The following TRIM45 variants were observed in gnomAD, a reference collection of about 807,000 sequenced individuals.
TRIM45 encodes tripartite motif containing 45, also known as E3 ubiquitin-protein ligase TRIM45.
In TRIM45, 45 loss-of-function variants were observed where a neutral mutation model predicts 46.7. The ratio of observed to expected loss-of-function variants is 0.96; its 90% CI spans 0.76 to 1.24. The LOEUF is 1.24. Ranked by LOEUF, TRIM45 falls within the 50% of genes most tolerant of loss-of-function variation. TRIM45 has a pLI of 0.00. For synonymous variants in TRIM45, 259 were observed against 285.8 expected, an observed-to-expected ratio of 0.91 and a Z score of 0.94; for missense variants, 680 against 728.4, an observed-to-expected ratio of 0.93 and a Z score of 0.77.
Position 117,116,883 on chromosome 1 carries a change from C to G in TRIM45, c.1223-138G>C, listed in dbSNP as rs1226438505. 1 of 1,238,308 alleles carries G rather than the reference C, an allele frequency of 8.1e-7. No individual in the cohort carries two copies. Among genetic ancestry groups the G allele is most frequent in the Non-Finnish European group, 1.1e-6 (1 of 902,836 alleles). The allele number at this position is 1,238,308 out of a possible 1,614,324, so 76.7% of individuals were successfully genotyped here. ...GGTCCCTTTGTTTTCTCTTCCCCTTCTGCCTCCCAGAGTACGCCTCTTGGG... is the reference window on the plus strand; with the variant it reads ...GGTCCCTTTGTTTTCTCTTCCCCTTGTGCCTCCCAGAGTACGCCTCTTGGG... On this transcript the variant is annotated intron_variant, in intron 2 of 5. Coordinates refer to ENST00000256649, the MANE Select transcript of TRIM45 (RefSeq NM_025188.4). The surrounding 1 kb of genome is among the most constrained non-coding windows in gnomAD (Gnocchi z 4.6).
Position 117,118,122 on chromosome 1 carries a change from C to G in TRIM45, c.1134G>C (p.Glu378Asp). 1.2e-6 allele frequency: 2 copies of G among 1,614,242 alleles called. No individual in the cohort carries two copies. The highest frequency in any genetic ancestry group is 1.7e-6 in the Non-Finnish European group (2 of 1,180,052). ...VNDKIRFCPQ[E>D]KAGQCRGYEI... is the part of the protein sequence containing the mutation. ...CATAGCCACGGCACTGGCCTGCTTT[C>G]TCCTGAGGACAGAAGCGTATCTTAT... The change falls in exon 2 of 6, where the codon GAG (glutamate) becomes GAC (aspartate). Residue 378 changes from glutamate (E) to aspartate (D), a missense_variant. Physicochemically the swap from Glu to Asp is conservative, Grantham distance 45 (BLOSUM62 2). Around this residue, in one of 3 missense-constraint regions of TRIM45, gnomAD observed 322 missense variants for 359.3 expected, o/e 0.90. Coordinates refer to ENST00000256649, the MANE Select transcript of TRIM45 (RefSeq NM_025188.4). This position sits in a 1 kb window ranked among gnomAD's most constrained non-coding sequence, Gnocchi z 5.7.
At chr1:117,123,892 A>G (rs962221393), upstream of TRIM45, among the ~76,000 whole-genome samples, 3 of 151,970 alleles carry the variant, frequency 2.0e-5, no homozygotes, top group Admixed American at 2.0e-4. Context: ...CGGCCTCCCA[A>G]AGCGCTGGGA....
upstream of TRIM45, chr1:117,121,970 A>T: frequency 1.6e-6 from 1 of 617,778 alleles, no homozygotes; most frequent in Non-Finnish European, 3.0e-6. The surrounding 1 kb of genome is among the most constrained non-coding windows in gnomAD (Gnocchi z 4.2). Context: ...GTGCGGCGGG[A>T]GGAAAAGGCC....
rs1455532501 is a variant in TRIM45, at chr1:117,117,357, G to A, written c.1223-612C>T. ...CACAAGTTACTGGGTGTTTCTGTAGGAGAGAACATTCTCAAAGAGATCTAT... is the reference window on the plus strand; with the variant it reads ...CACAAGTTACTGGGTGTTTCTGTAGAAGAGAACATTCTCAAAGAGATCTAT... On this transcript the variant is annotated intron_variant, in intron 2 of 5. Transcript: ENST00000256649. The surrounding 1 kb of genome is among the most constrained non-coding windows in gnomAD (Gnocchi z 4.9). Among the ~76,000 whole-genome samples the A allele has an allele frequency of 1.3e-5, 2 of 152,190 alleles. No individual in the cohort carries two copies. Among genetic ancestry groups the A allele is most frequent in the African/African-American group, 2.4e-5 (1 of 41,446 alleles).
At position 117,118,429 on chromosome 1, in the gene TRIM45, T is replaced by C. The variant is rs1168030702; in HGVS notation, c.827A>G (p.Asp276Gly). Residue 276 changes from aspartate (D) to glycine (G), a missense_variant, in exon 2 of 6, where the codon GAT becomes GGT. Coordinates refer to ENST00000256649, the MANE Select transcript of TRIM45 (RefSeq NM_025188.4). This position sits in a 1 kb window ranked among gnomAD's most constrained non-coding sequence, Gnocchi z 5.7. ...GTAGCCCTCCGAGAATGTCCGGACA[T>C]CAGCTGCCACTGCCTCCACTCGCTT... ...LQKRVEAVAA[D>G]VRTFSEGYIK... 4 of 1,614,098 alleles carry C rather than the reference T, an allele frequency of 2.5e-6. No individual in the cohort carries two copies. Among genetic ancestry groups the C allele is most frequent in the South Asian group, 1.1e-5 (1 of 91,058 alleles).
Position 117,121,329 on chromosome 1 carries a change from T to G in TRIM45, c.-128A>C. 1 of 1,202,292 alleles carries G rather than the reference T, an allele frequency of 8.3e-7. No homozygotes were observed. The highest frequency in any genetic ancestry group is 1.1e-6 in the Non-Finnish European group (1 of 872,906). 74.5% of individuals were successfully genotyped at this position (1,202,292 alleles called of 1,614,324 possible). ...ACAGAGACCATGGGGACTCCCTCGC[T>G]GACAAATAAAAGGGCAGACGGGAAG... is the stretch of plus-strand genomic sequence containing the variant. On this transcript the variant is annotated 5_prime_UTR_variant, in exon 1 of 6. Coordinates refer to ENST00000256649, the MANE Select transcript of TRIM45 (RefSeq NM_025188.4). The surrounding 1 kb of genome is among the most constrained non-coding windows in gnomAD (Gnocchi z 4.2).
rs747392180 is a variant in TRIM45, at chr1:117,121,197, G to A, written c.5C>T (p.Ser2Leu). M[S>L]ENRKPLLGFV... ...GCCCAGCAGCGGTTTTCTGTTTTCT[G>A]ACATACTCCTCACGTTTGTGACCAA... The change falls in exon 1 of 6, where the codon TCA (serine) becomes TTA (leucine). Residue 2 changes from serine (S) to leucine (L), a missense_variant. By Grantham distance (145) the Ser-to-Leu change is moderately radical (BLOSUM62 -2). Transcript: ENST00000256649. The surrounding 1 kb of genome is among the most constrained non-coding windows in gnomAD (Gnocchi z 4.2). 46 of 1,547,256 alleles carry A rather than the reference G, an allele frequency of 3.0e-5. No individual in the cohort carries two copies. The highest frequency in any genetic ancestry group is 3.7e-5 in the Non-Finnish European group (43 of 1,152,656).
At position 117,113,379 on chromosome 1, in the gene TRIM45, G is replaced by A. The variant is rs2101330742; in HGVS notation, c.1574C>T (p.Ala525Val). The A allele has an allele frequency of 6.2e-7, 1 of 1,612,172 alleles. No individual in the cohort carries two copies. Among genetic ancestry groups the A allele is most frequent in the East Asian group, 2.2e-5 (1 of 44,884 alleles). ...SSGGQKTARC[A>V]CGGTMPGGYL... ...CTTACCTGGCATGGTGCCTCCACAG[G>A]CGCAGCGAGCGGTTTTCTGGCCCCC... Residue 525 changes from alanine to valine, a missense_variant, in exon 5 of 6, where the codon GCC (alanine) becomes GTC (valine). Coordinates refer to ENST00000256649, the MANE Select transcript of TRIM45 (RefSeq NM_025188.4). The surrounding 1 kb of genome is among the most constrained non-coding windows in gnomAD (Gnocchi z 4.0).
chr1:117,121,563 G>GCCCGCCC lies in TRIM45; in HGVS notation c.-369_-363dup. ...CCTCCACTGCCACCCCCCTCCCGCCGCCCGCCCCACTGCGCGCCACACGCG... is the reference window on the plus strand; with the variant it reads ...CCTCCACTGCCACCCCCCTCCCGCCGCCCGCCCCCCGCCCCACTGCGCGCCACACGCG... On this transcript the variant is annotated 5_prime_UTR_variant, in exon 1 of 6. Transcript: ENST00000256649. This position sits in a 1 kb window ranked among gnomAD's most constrained non-coding sequence, Gnocchi z 4.2. 1 of 297,666 alleles carries GCCCGCCC rather than the reference G, an allele frequency of 3.4e-6. No individual in the cohort carries two copies. Among genetic ancestry groups the GCCCGCCC allele is most frequent in the Non-Finnish European group, 6.4e-6 (1 of 157,324 alleles). The allele number at this position is 297,666 out of a possible 1,614,324, so 18.4% of individuals were successfully genotyped here.
chr1:117,122,081 G>A (rs1650671616), upstream of TRIM45: 1 of 391,304 alleles, frequency 2.6e-6, no homozygotes, highest in East Asian at 4.1e-5. Context: ...CTCTTAAAAA[G>A]CCACGCTGAT....
At chr1:117,112,622 G>A (rs1490530686) in intron 5 of TRIM45, among the ~76,000 whole-genome samples, 169 bp from the exon 6 acceptor site, 1 of 152,224 alleles carries the variant, frequency 6.6e-6, no homozygotes. Context: ...GTGCAGTCAG[G>A]AGGACCCTGA....
rs1436433801 is a variant in TRIM45, at chr1:117,111,180, C to G, written c.*1125G>C. ...GAGGCACCAGTGCTGTGTACATCCT[C>G]TCCCCAAATTCTCCAGCAGCTAAGA... On this transcript the variant is annotated 3_prime_UTR_variant, in exon 6 of 6. Transcript: ENST00000256649. The G allele has an allele frequency of 6.6e-6, 1 of 152,166 alleles. No homozygotes were observed. The highest frequency in any genetic ancestry group is 2.4e-5 in the African/African-American group (1 of 41,394). The allele number at this position is 152,166 out of a possible 1,614,324, so 9.4% of individuals were successfully genotyped here. A position where few individuals can be genotyped will look rare whatever the true frequency, so the allele number is the denominator to read the frequency against.
chr1:117,112,202 TG>T lies in TRIM45; in HGVS notation c.*102del. 8.1e-7 allele frequency: 1 copy of T among 1,230,796 alleles called. No individual in the cohort carries two copies. The highest frequency in any genetic ancestry group is 2.8e-5 in the South Asian group (1 of 35,252). 76.2% of individuals were successfully genotyped at this position (1,230,796 alleles called of 1,614,324 possible). A position where few individuals can be genotyped will look rare whatever the true frequency, so the allele number is the denominator to read the frequency against. ...AACTCCAGTGCAAGATAAGGCACTT[TG>T]TTTTTAATTCTATCAGTCTCTTTAG... is the stretch of plus-strand genomic sequence containing the variant. On this transcript the variant is annotated 3_prime_UTR_variant, in exon 6 of 6. Transcript: ENST00000256649.
At position 117,116,671 on chromosome 1, in the gene TRIM45, C is replaced by G; in HGVS notation, c.1297G>C (p.Gly433Arg). The G allele has an allele frequency of 6.2e-7, 1 of 1,614,098 alleles. No individual in the cohort carries two copies. The highest frequency in any genetic ancestry group is 8.5e-7 in the Non-Finnish European group (1 of 1,180,014). ...ACTTGAACGTTGTCTCCTCCCCTGC[C>G]CATGATTTCTCCTGCGGCATCCTTA... ...LCKDAAGEIM[G>R]RGGDNVQVAV... Residue 433 changes from glycine to arginine, a missense_variant, in exon 3 of 6, where the codon GGC becomes CGC. Gly to Arg is a moderately radical substitution (Grantham distance 125). This residue lies in a region of TRIM45 where 322 missense variants were observed against 359.3 expected (regional missense o/e 0.90). Coordinates refer to ENST00000256649, the MANE Select transcript of TRIM45 (RefSeq NM_025188.4). This position sits in a 1 kb window ranked among gnomAD's most constrained non-coding sequence, Gnocchi z 4.6.
Position 117,120,866 on chromosome 1 carries a change from G to A in TRIM45, c.336C>T (p.Thr112=). ...DLPMGGVKAL[T]IDHLAVNDVM... ...CATCATTCACGGCCAGGTGGTCTAT[G>A]GTTAAAGCCTTCACTCCACCCATGG... Residue 112 remains threonine (T), a synonymous_variant, in exon 1 of 6, where the codon ACC becomes ACT. Coordinates refer to ENST00000256649, the MANE Select transcript of TRIM45 (RefSeq NM_025188.4). 6.2e-7 allele frequency: 1 copy of A among 1,614,182 alleles called. No homozygotes were observed. Among genetic ancestry groups the A allele is most frequent in the Non-Finnish European group, 8.5e-7 (1 of 1,180,038 alleles).
chr1:117,111,276 G>A lies in TRIM45; in HGVS notation c.*1029C>T, dbSNP rs1650199451. 6.6e-6 allele frequency: 1 copy of A among 152,208 alleles called. No homozygotes were observed. Among genetic ancestry groups the A allele is most frequent in the South Asian group, 2.1e-4 (1 of 4,834 alleles). The allele number at this position is 152,208 out of a possible 1,614,324, so 9.4% of individuals were successfully genotyped here. A position where few individuals can be genotyped will look rare whatever the true frequency, so the allele number is the denominator to read the frequency against. ...TAACTTTCTAGGTATATAGATAACA[G>A]TGAAGACTACTCTAAAGACTACTCT... On this transcript the variant is annotated 3_prime_UTR_variant, in exon 6 of 6. Coordinates refer to ENST00000256649, the MANE Select transcript of TRIM45 (RefSeq NM_025188.4).
In TRIM45 at chr1:117,118,940, T is replaced by C. The variant is rs1409311257; in HGVS notation, c.489-173A>G. On this transcript the variant is annotated intron_variant, in intron 1 of 5. Coordinates refer to ENST00000256649, the MANE Select transcript of TRIM45 (RefSeq NM_025188.4). This position sits in a 1 kb window ranked among gnomAD's most constrained non-coding sequence, Gnocchi z 5.7. Reference sequence around the variant, plus strand: ...TGATTCCAGTTTCTCATCTGTACAGTGGGGACAATACCTACCTGAAAGAGC... The same window carrying C: ...TGATTCCAGTTTCTCATCTGTACAGCGGGGACAATACCTACCTGAAAGAGC... Among the ~76,000 whole-genome samples the C allele has an allele frequency of 6.6e-6, 1 of 152,172 alleles. No homozygotes were observed. Among genetic ancestry groups the C allele is most frequent in the African/African-American group, 2.4e-5 (1 of 41,432 alleles).
upstream of TRIM45, among the ~76,000 whole-genome samples, chr1:117,122,906 T>C (rs1650712950): frequency 6.6e-6 from 1 of 152,152 alleles, no homozygotes; most frequent in African/African-American, 2.4e-5. Flanking sequence ...TTCATGACCT[T>C]CCCTACTTAA....
chr1:117,118,448 C>T lies in TRIM45; in HGVS notation c.808G>A (p.Val270Met), dbSNP rs752381843. 2.2e-5 allele frequency: 35 copies of T among 1,614,158 alleles called. No homozygotes were observed. The highest frequency in any genetic ancestry group is 3.0e-5 in the Non-Finnish European group (35 of 1,180,038). The change falls in exon 2 of 6, where the codon GTG becomes ATG. Residue 270 changes from valine to methionine, a missense_variant. Around this residue, in one of 3 missense-constraint regions of TRIM45, gnomAD observed 349 missense variants for 343.6 expected, o/e 1.02. Coordinates refer to ENST00000256649, the MANE Select transcript of TRIM45 (RefSeq NM_025188.4). This position sits in a 1 kb window ranked among gnomAD's most constrained non-coding sequence, Gnocchi z 5.7. ...HIINSALQKR[V>M]EAVAADVRTF... is the part of the protein sequence containing the mutation. ...CGGACATCAGCTGCCACTGCCTCCA[C>T]TCGCTTCTGGAGGGCACTGTTTATT...
Sources: allele counts gnomAD v4.1 joint callset (sites outside exome capture counted in the v4.1 genomes callset), GRCh38; gene constraint gnomAD v4.1.1; regional missense constraint gnomAD v4.1.1; non-coding constraint Gnocchi (gnomAD v3.1); transcripts MANE v1.5; gene names NCBI Gene and HGNC (gene_info 2026-07-23, HGNC 2026-07-21).